The following MAGI3 variants were observed in gnomAD, a reference collection of about 807,000 sequenced individuals.
MAGI3 encodes membrane associated guanylate kinase, WW and PDZ domain containing 3.
Under a neutral mutation model 121.8 loss-of-function variants are expected in MAGI3, and 43 were observed. The ratio of observed to expected loss-of-function variants is 0.35; its 90% CI spans 0.28 to 0.46. The LOEUF (loss-of-function observed/expected upper bound fraction) is 0.46, where lower values mean the gene tolerates loss of function less well. Ranked by LOEUF, MAGI3 falls within the 20% of genes least tolerant of loss-of-function variation. The pLI is 1.00. For missense variants in MAGI3, 1,547 were observed against 1,797.3 expected, an observed-to-expected ratio of 0.86 and a Z score of 2.52; for synonymous variants, 553 against 639.3, an observed-to-expected ratio of 0.86 and a Z score of 2.04.
At chr1:113,448,601 T>G (rs547288901) in intron 1 of MAGI3, among the ~76,000 whole-genome samples, 1 of 152,328 alleles carries the variant, frequency 6.6e-6, no homozygotes, top group South Asian at 2.1e-4. Flanking sequence ...TAGTGAGATT[T>G]CTTCCTGTAG....
At position 113,437,844 on chromosome 1, in the gene MAGI3, T is replaced by C. The variant is rs374452877; in HGVS notation, c.316+46495T>C. Among the ~76,000 whole-genome samples the C allele has an allele frequency of 4.1e-3, 256 of 61,752 alleles. 2 individuals are homozygous for C. Among genetic ancestry groups the C allele is most frequent in the Middle Eastern group, 6.6e-3 (1 of 152 alleles). The allele number at this position is 61,752 out of a possible 152,430, so 40.5% of individuals were successfully genotyped here. A position where few individuals can be genotyped will look rare whatever the true frequency, so the allele number is the denominator to read the frequency against. On this transcript the variant is annotated intron_variant, in intron 1 of 20. Transcript: ENST00000307546. ...TTCTTCTTCTTCTTCTTCTTCTTCT[T>C]CTTCTTCTTCTTCTTCTTCCTCTTC...
chr1:113,455,159 C>T (rs1654684138), intron 1 of MAGI3, among the ~76,000 whole-genome samples: 1 of 152,058 alleles, frequency 6.6e-6, no homozygotes, highest in Non-Finnish European at 1.5e-5. Flanking sequence ...CGAGAGTGGA[C>T]TTTCTGAAAA....
intron 1 of MAGI3, among the ~76,000 whole-genome samples, chr1:113,444,733 C>T (rs1355949328): frequency 2.0e-5 from 3 of 151,954 alleles, no homozygotes; most frequent in Non-Finnish European, 4.4e-5. Context: ...TGGCTCATTC[C>T]AAGGAAAAAA....
intron 1 of MAGI3, among the ~76,000 whole-genome samples, chr1:113,479,903 A>T (rs1357859159): frequency 6.6e-6 from 1 of 151,914 alleles, no homozygotes; most frequent in East Asian, 1.9e-4. Flanking sequence ...TTTTCAGTTC[A>T]TTCATTGTAT....
intron 1 of MAGI3, among the ~76,000 whole-genome samples, chr1:113,402,020 TA>T (rs1308729601): frequency 6.6e-6 from 1 of 152,184 alleles, no homozygotes. Context: ...AATCTTAGTA[TA>T]TGGATAAACA....
At chr1:113,601,264 T>C (rs548767389) in intron 6 of MAGI3, among the ~76,000 whole-genome samples, 114 of 152,142 alleles carry the variant, frequency 7.5e-4, no homozygotes, top group South Asian at 1.0e-3. Flanking sequence ...CAAAAGAAAC[T>C]ACCATCAGAG....
At chr1:113,521,382 G>C (rs1658186404) in intron 1 of MAGI3, among the ~76,000 whole-genome samples, 1 of 147,668 alleles carries the variant, frequency 6.8e-6, no homozygotes, top group African/African-American at 2.5e-5. Context: ...CACCACGCCT[G>C]GCCAGTTAGT....
At chr1:113,552,271 AC>A (rs1659819447) in intron 2 of MAGI3, among the ~76,000 whole-genome samples, 1 of 152,320 alleles carries the variant, frequency 6.6e-6, no homozygotes, top group Admixed American at 6.5e-5. Context: ...GCAAAGGCTC[AC>A]AGGATCATCT....
intron 1 of MAGI3, among the ~76,000 whole-genome samples, chr1:113,399,952 C>G (rs1027932024): frequency 6.6e-6 from 1 of 152,070 alleles, no homozygotes; most frequent in African/African-American, 2.4e-5. Flanking sequence ...TGTAGTATTT[C>G]TGAGGGCTCC....
intron 1 of MAGI3, among the ~76,000 whole-genome samples, chr1:113,536,442 G>A (rs1334156285): frequency 2.6e-5 from 4 of 151,828 alleles, no homozygotes; most frequent in African/African-American, 9.7e-5. Flanking sequence ...GTACAATTAG[G>A]GCAGAATTTT....
chr1:113,584,844 T>C (rs1648254169), intron 3 of MAGI3, among the ~76,000 whole-genome samples: 1 of 152,156 alleles, frequency 6.6e-6, no homozygotes, highest in African/African-American at 2.4e-5. Flanking sequence ...AGTATTAAGA[T>C]ATTAGATAAT....
intron 7 of MAGI3, among the ~76,000 whole-genome samples, chr1:113,616,119 T>G (rs1341490153): frequency 6.6e-6 from 1 of 152,226 alleles, no homozygotes; most frequent in Non-Finnish European, 1.5e-5. Flanking sequence ...CTGAATGATC[T>G]GGTCCCCATT....
chr1:113,492,941 A>C (rs1656739439), intron 1 of MAGI3, among the ~76,000 whole-genome samples: 1 of 152,208 alleles, frequency 6.6e-6, no homozygotes, highest in Non-Finnish European at 1.5e-5. Context: ...GATAGGAAGA[A>C]TATTGCTAAA....
At chr1:113,453,243 T>C (rs1318000313) in intron 1 of MAGI3, among the ~76,000 whole-genome samples, 1 of 152,168 alleles carries the variant, frequency 6.6e-6, no homozygotes, top group Non-Finnish European at 1.5e-5. Context: ...TTAAAGCATA[T>C]ACTGACTGGA....
intron 8 of MAGI3, 104 bp from the exon 9 acceptor site, chr1:113,622,702 T>C: frequency 1.1e-6 from 1 of 934,322 alleles, no homozygotes. Context: ...GAGAAAGAGA[T>C]TAAGTTGAGA....
chr1:113,594,711 G>T, intron 6 of MAGI3, 151 bp downstream of exon 6: 1 of 494,054 alleles, frequency 2.0e-6, no homozygotes. Context: ...AACTGATTGT[G>T]GTAATTATGT....
intron 9 of MAGI3, among the ~76,000 whole-genome samples, chr1:113,640,987 C>T (rs1219408206): frequency 3.9e-5 from 4 of 102,390 alleles, no homozygotes; most frequent in African/African-American, 1.5e-4. Flanking sequence ...AATATATATA[C>T]ACTATATATG....
chr1:113,512,394 C>G (rs1028112156), intron 1 of MAGI3, among the ~76,000 whole-genome samples: 17 of 152,184 alleles, frequency 1.1e-4, no homozygotes, highest in African/African-American at 3.4e-4. Flanking sequence ...TTGGAGTGTT[C>G]TATTTGAAAA....
At chr1:113,419,898 CCTT>C (rs1266929184) in intron 1 of MAGI3, among the ~76,000 whole-genome samples, 2 of 152,110 alleles carry the variant, frequency 1.3e-5, no homozygotes, top group Non-Finnish European at 2.9e-5. Flanking sequence ...GCTCATGGCC[CCTT>C]CTTCCATCTT....
Sources: allele counts gnomAD v4.1 joint callset (sites outside exome capture counted in the v4.1 genomes callset), GRCh38; gene constraint gnomAD v4.1.1; transcripts MANE v1.5; gene names NCBI Gene and HGNC (gene_info 2026-07-23, HGNC 2026-07-21).